DET1: variants seen among roughly 807,000 people sequenced by gnomAD.
DET1 encodes DET1 partner of COP1 E3 ubiquitin ligase, also known as DET1 homolog.
Under a neutral mutation model 43.7 loss-of-function variants are expected in DET1, and 22 were observed. The observed-to-expected ratio is 0.50, with a 90% CI of 0.36 to 0.72. The LOEUF is 0.72. Ranked by LOEUF, DET1 falls within the 30% of genes least tolerant of loss-of-function variation. The pLI, the probability that DET1 is intolerant of heterozygous loss-of-function variation, is 0.00. For missense variants in DET1, 713 were observed against 713.3 expected (o/e 1.00, Z 0.00); for synonymous variants, 315 against 266.2 (o/e 1.18, Z -1.79).
chr15:88,543,800 G>A (rs187053667), intron 1 of DET1, among the ~76,000 whole-genome samples: 18 of 152,294 alleles, frequency 1.2e-4, no homozygotes, highest in African/African-American at 2.4e-4. Flanking sequence ...TACCAGAAGC[G>A]TGGGCTACTC....
At chr15:88,544,391 C>T (rs748438081) in intron 1 of DET1, among the ~76,000 whole-genome samples, 10 of 152,132 alleles carry the variant, frequency 6.6e-5, no homozygotes, top group Admixed American at 1.3e-4. Flanking sequence ...TATGGGAGGG[C>T]GCCGCCTATC....
chr15:88,533,405 A>G (rs1179505518), intron 1 of DET1, among the ~76,000 whole-genome samples: 4 of 152,224 alleles, frequency 2.6e-5, no homozygotes, highest in Admixed American at 6.5e-5. Context: ...TAGAACTACC[A>G]TAAGATCCAA....
At chr15:88,510,195 G>A (rs1598309883), downstream of DET1, among the ~76,000 whole-genome samples, 1 of 152,194 alleles carries the variant, frequency 6.6e-6, no homozygotes, top group African/African-American at 2.4e-5. Context: ...TATGGATTAT[G>A]AAATTGAAAC....
At chr15:88,543,841 T>C (rs1213489124) in intron 1 of DET1, among the ~76,000 whole-genome samples, 1 of 152,074 alleles carries the variant, frequency 6.6e-6, no homozygotes, top group African/African-American at 2.4e-5. Flanking sequence ...CAAAAACAGA[T>C]CAAGCAGCTC....
At chr15:88,513,924 C>A (rs1457579892) in intron 4 of DET1, among the ~76,000 whole-genome samples, 1 of 149,188 alleles carries the variant, frequency 6.7e-6, no homozygotes, top group Non-Finnish European at 1.5e-5. Flanking sequence ...CTCAGCCTCC[C>A]GAGTAGCTGG....
chr15:88,507,625 A>G (rs564328720), downstream of DET1, among the ~76,000 whole-genome samples: 7 of 152,364 alleles, frequency 4.6e-5, no homozygotes, highest in East Asian at 1.3e-3. Flanking sequence ...ATTCAGGTCA[A>G]TGGTACAATG....
Position 88,531,671 on chromosome 15 carries a change from C to A in DET1, c.35G>T (p.Arg12Ile). Residue 12 changes from arginine (R) to isoleucine (I), a missense_variant, in exon 2 of 5, where the codon AGA becomes ATA. Arg to Ile is a moderately conservative substitution (Grantham distance 97). Transcript: ENST00000268148. This position sits in a 1 kb window ranked among gnomAD's most constrained non-coding sequence, Gnocchi z 6.2. ...DHHVSTIKPR[R>I]IQNQNVIHRL... ...GTGAATGACATTTTGGTTTTGGATT[C>A]TTCGAGGCTTGATGGTAGAAACATG... The A allele has an allele frequency of 2.5e-6, 4 of 1,611,464 alleles. No homozygotes were observed. Among genetic ancestry groups the A allele is most frequent in the Non-Finnish European group, 3.4e-6 (4 of 1,177,698 alleles).
At chr15:88,533,304 T>C (rs934245029) in intron 1 of DET1, among the ~76,000 whole-genome samples, 1 of 152,128 alleles carries the variant, frequency 6.6e-6, no homozygotes. Context: ...ATTGAGGACA[T>C]AGAGGAAGTT....
chr15:88,530,700 G>C lies in DET1; in HGVS notation c.1006C>G (p.Leu336Val). 6.2e-7 allele frequency: 1 copy of C among 1,614,010 alleles called. No individual in the cohort carries two copies. The highest frequency in any genetic ancestry group is 8.5e-7 in the Non-Finnish European group (1 of 1,179,888). Residue 336 changes from leucine to valine, a missense_variant, in exon 2 of 5, where the codon CTT becomes GTT. Leu to Val is a conservative substitution (Grantham distance 32, BLOSUM62 1). Transcript: ENST00000268148. ...LRQLRMWKMQLLDENHLFIKY... is the reference protein window; with the variant it reads ...LRQLRMWKMQVLDENHLFIKY... ...ATAAACAGGTGGTTTTCATCCAGAAGCTGCATTTTCCACATTCGCAGCTGC... is the reference window on the plus strand; with the variant it reads ...ATAAACAGGTGGTTTTCATCCAGAACCTGCATTTTCCACATTCGCAGCTGC...
chr15:88,513,909 C>T (rs1245917590), intron 4 of DET1, among the ~76,000 whole-genome samples: 1 of 148,100 alleles, frequency 6.8e-6, no homozygotes, highest in Non-Finnish European at 1.5e-5. Flanking sequence ...ACGCCATTCT[C>T]CTGCCTCAGC....
chr15:88,512,862 A>C lies in DET1; in HGVS notation c.*89T>G. On this transcript the variant is annotated 3_prime_UTR_variant, in exon 5 of 5. Transcript: ENST00000268148. ...ATAGCAGGCTGGAACTAACAGAGCT[A>C]GTAGTCGGGAGCTTTTGCTTTGGAG... 7.8e-6 allele frequency: 12 copies of C among 1,539,494 alleles called. No individual in the cohort carries two copies. The highest frequency in any genetic ancestry group is 9.6e-6 in the Non-Finnish European group (11 of 1,140,244).
intron 1 of DET1, among the ~76,000 whole-genome samples, chr15:88,537,547 T>C (rs953883402): frequency 1.1e-4 from 16 of 152,190 alleles, no homozygotes; most frequent in South Asian, 2.1e-4. Context: ...AACCCTCCCA[T>C]ACCCAGTCAT....
chr15:88,545,911 G>T (rs867660754), intron 1 of DET1, among the ~76,000 whole-genome samples: 68 of 150,962 alleles, frequency 4.5e-4, no homozygotes, highest in African/African-American at 1.5e-3. Context: ...TATATCCACA[G>T]TCCCCAAGAA....
intron 1 of DET1, chr15:88,536,268 T>A (rs1404808881): frequency 1.3e-6 from 1 of 756,082 alleles, no homozygotes; most frequent in Non-Finnish European, 2.5e-6. Flanking sequence ...ATACACCCTA[T>A]ATTATTAATG....
At chr15:88,514,293 G>A (rs1030530673) in intron 4 of DET1, among the ~76,000 whole-genome samples, 2 of 151,822 alleles carry the variant, frequency 1.3e-5, no homozygotes, top group African/African-American at 2.4e-5. Context: ...CTGAATGGCT[G>A]AGGCAGGTCG....
intron 3 of DET1, among the ~76,000 whole-genome samples, chr15:88,518,945 A>C (rs1342035076): frequency 6.6e-6 from 1 of 152,178 alleles, no homozygotes; most frequent in East Asian, 1.9e-4. Context: ...CCTCAGTATA[A>C]ATCATAAAAA....
intron 1 of DET1, among the ~76,000 whole-genome samples, chr15:88,532,776 T>C (rs138495510): frequency 4.6e-5 from 7 of 152,276 alleles, no homozygotes; most frequent in Middle Eastern, 3.4e-3. Context: ...TTACACCCTA[T>C]ACAAAAATTA....
chr15:88,516,146 C>G lies in DET1; in HGVS notation c.1463+636G>C, dbSNP rs944425792. Reference sequence around the variant, plus strand: ...AGCCTATAGCCTCAGGAACACACCCCCCTTGAGATAACTCCACTAGTGACA... The same window carrying G: ...AGCCTATAGCCTCAGGAACACACCCGCCTTGAGATAACTCCACTAGTGACA... On this transcript the variant is annotated intron_variant, in intron 4 of 4. Coordinates refer to ENST00000268148, the MANE Select transcript of DET1 (RefSeq NM_001144074.3). This position sits in a 1 kb window ranked among gnomAD's most constrained non-coding sequence, Gnocchi z 4.4. Among the ~76,000 whole-genome samples, 2 of 152,118 alleles carry G rather than the reference C, an allele frequency of 1.3e-5. No homozygotes were observed. Among genetic ancestry groups the G allele is most frequent in the South Asian group, 2.1e-4 (1 of 4,828 alleles).
In DET1 at chr15:88,516,356, A is replaced by C. The variant is rs921037175; in HGVS notation, c.1463+426T>G. ...AAATTCCTCCAAGTGAGGAAGCATG[A>C]GTTTCTTCTAAATCTGTCAGCAGGT... On this transcript the variant is annotated intron_variant, in intron 4 of 4. Transcript: ENST00000268148. This position sits in a 1 kb window ranked among gnomAD's most constrained non-coding sequence, Gnocchi z 4.4. Among the ~76,000 whole-genome samples, 1 of 152,230 alleles carries C rather than the reference A, an allele frequency of 6.6e-6. No homozygotes were observed. Among genetic ancestry groups the C allele is most frequent in the African/African-American group, 2.4e-5 (1 of 41,458 alleles).
Sources: gnomAD v4.1 joint callset for allele counts (sites outside exome capture counted in the v4.1 genomes callset) on GRCh38, gnomAD v4.1.1 for gene constraint, Gnocchi (gnomAD v3.1) non-coding constraint, MANE v1.5 for transcripts, NCBI Gene and HGNC (gene_info 2026-07-23, HGNC 2026-07-21) for gene names.